CDC45: variants seen among roughly 807,000 people sequenced by gnomAD.
CDC45 encodes cell division control protein 45 homolog.
CDC45 carries 54 observed loss-of-function variants against 77.8 expected under a neutral mutation model. That is an observed-to-expected ratio of 0.69 (90% CI 0.56 to 0.87). The LOEUF is 0.87. Among genes scored for constraint, CDC45 ranks in the 40% least tolerant of loss-of-function variants. The pLI, the probability that CDC45 is intolerant of heterozygous loss-of-function variation, is 0.00. For synonymous variants in CDC45, 260 were observed against 272.1 expected (o/e 0.96, Z 0.44); for missense variants, 649 against 721.6 (o/e 0.90, Z 1.15).
chr22:19,482,831 C>G lies in CDC45; in HGVS notation c.342+4C>G, dbSNP rs1446245084. ...CAATGTATACAACGATACCCAGGTACTTTTTGTGCTATGCCCTCAAACTGT... is the reference window on the plus strand; with the variant it reads ...CAATGTATACAACGATACCCAGGTAGTTTTTGTGCTATGCCCTCAAACTGT... On this transcript the variant is annotated splice_donor_region_variant and intron_variant, in intron 4 of 18. Transcript: ENST00000263201. 8 of 1,613,764 alleles carry G rather than the reference C, an allele frequency of 5.0e-6. No individual in the cohort carries two copies. The highest frequency in any genetic ancestry group is 6.8e-6 in the Non-Finnish European group (8 of 1,179,694).
intron 18 of CDC45, among the ~76,000 whole-genome samples, chr22:19,519,689 C>CCCAT (rs1468228175): frequency 2.6e-5 from 4 of 152,236 alleles, no homozygotes; most frequent in African/African-American, 9.6e-5. Context: ...TCCCCACTCT[C>CCCAT]CCATCCGTCC....
chr22:19,499,067 T>A, intron 8 of CDC45, 34 bp from the exon 9 acceptor site: 1 of 1,611,684 alleles, frequency 6.2e-7, no homozygotes, highest in South Asian at 1.1e-5. Context: ...CCAGGTGGGC[T>A]ATAGGCCGGC....
chr22:19,497,547 C>T, intron 8 of CDC45, 100 bp downstream of exon 8: 2 of 1,004,154 alleles, frequency 2.0e-6, no homozygotes, highest in Non-Finnish European at 3.1e-6. Flanking sequence ...TTCCCTTGTC[C>T]CCACCAGGAG....
upstream of CDC45, chr22:19,479,532 C>A (rs902203795): frequency 1.8e-6 from 1 of 567,516 alleles, no homozygotes; most frequent in African/African-American, 1.9e-5. Flanking sequence ...CTTCAAACCA[C>A]ACCAAAAACC....
chr22:19,508,682 G>T lies in CDC45; in HGVS notation c.1208G>T (p.Ser403Ile). 1 of 1,614,002 alleles carries T rather than the reference G, an allele frequency of 6.2e-7. No homozygotes were observed. Among genetic ancestry groups the T allele is most frequent in the South Asian group, 1.1e-5 (1 of 91,064 alleles). Residue 403 changes from serine (S) to isoleucine (I), a missense_variant, in exon 13 of 19, where the codon AGC becomes ATC. By Grantham distance (142) the Ser-to-Ile change is moderately radical. Coordinates refer to ENST00000263201, the MANE Select transcript of CDC45 (RefSeq NM_003504.5). The part of the protein sequence containing the change: ...GTDHFIQALD[S>I]LSRSNLDKLY... ...GATCACTTCATCCAGGCTCTGGACA[G>T]CCTCTCCAGGTAGCAGGAGGGCTGT...
Position 19,483,976 on chromosome 22 carries a change from C to A in CDC45, c.457C>A (p.Pro153Thr). The change falls in exon 5 of 19, where the codon CCT (proline) becomes ACT (threonine). Residue 153 changes from proline to threonine, a missense_variant. Transcript: ENST00000263201. Reference sequence around the variant, plus strand: ...AGGAAATGACAGTGATGGGTCAGAGCCTTCTGAGAAGCGCACACGGTTAGA... The same window carrying A: ...AGGAAATGACAGTGATGGGTCAGAGACTTCTGAGAAGCGCACACGGTTAGA... ...HSGNDSDGSE[P>T]SEKRTRLEEE... The A allele has an allele frequency of 6.2e-7, 1 of 1,610,520 alleles. No individual in the cohort carries two copies. Among genetic ancestry groups the A allele is most frequent in the Non-Finnish European group, 8.5e-7 (1 of 1,179,282 alleles).
At chr22:19,492,941 ATTGGTTCTCCC>A in intron 5 of CDC45, among the ~76,000 whole-genome samples, 1 of 152,124 alleles carries the variant, frequency 6.6e-6, no homozygotes, top group East Asian at 1.9e-4. Context: ...TTCTCCCACC[ATTGGTTCTCCC>A]ACCCAGAGGT....
chr22:19,515,714 C>T (rs908041769), intron 15 of CDC45, among the ~76,000 whole-genome samples: 1 of 152,218 alleles, frequency 6.6e-6, no homozygotes, highest in Admixed American at 6.5e-5. Context: ...AGGGACAGAG[C>T]ATGGGCCTTG....
intron 17 of CDC45, among the ~76,000 whole-genome samples, chr22:19,518,490 C>A (rs1211779508): frequency 6.6e-6 from 1 of 152,146 alleles, no homozygotes; most frequent in Admixed American, 6.5e-5. Flanking sequence ...AGTGACCTGC[C>A]CCACCCAAGG....
chr22:19,493,252 G>GTTTT (rs2090183966), intron 5 of CDC45, among the ~76,000 whole-genome samples: 1 of 150,600 alleles, frequency 6.6e-6, no homozygotes, highest in African/African-American at 2.5e-5. Flanking sequence ...GTTTTGTTTT[G>GTTTT]TTTTGTTTTG....
At chr22:19,502,448 C>T (rs1340026098) in intron 9 of CDC45, among the ~76,000 whole-genome samples, 1 of 152,192 alleles carries the variant, frequency 6.6e-6, no homozygotes, top group Non-Finnish European at 1.5e-5. Context: ...AATTTGGTAG[C>T]ATGTAGGCAC....
At chr22:19,516,450 C>G (rs1160022829) in intron 15 of CDC45, 77 bp from the exon 16 acceptor site, 1 of 1,195,498 alleles carries the variant, frequency 8.4e-7, no homozygotes, top group Non-Finnish European at 1.2e-6. Context: ...AGTGACTGGG[C>G]GCTGTTGGGC....
chr22:19,509,383 T>C (rs1933393085), intron 13 of CDC45, among the ~76,000 whole-genome samples: 1 of 152,232 alleles, frequency 6.6e-6, no homozygotes, highest in African/African-American at 2.4e-5. Context: ...GTCAGTTCAG[T>C]GGTGAAGATG....
intron 17 of CDC45, 120 bp from the exon 18 acceptor site, chr22:19,518,724 G>T (rs1933939509): frequency 1.3e-6 from 1 of 765,394 alleles, no homozygotes; most frequent in Non-Finnish European, 2.4e-6. Flanking sequence ...AATACCACAG[G>T]CCGGGAGGAG....
intron 3 of CDC45, among the ~76,000 whole-genome samples, chr22:19,481,622 G>A (rs2089984645): frequency 6.6e-6 from 1 of 151,802 alleles, no homozygotes; most frequent in Admixed American, 6.6e-5. Flanking sequence ...TTTGTGATCT[G>A]CCCACCTCCG....
At chr22:19,507,623 G>T in intron 11 of CDC45, 106 bp downstream of exon 11, 1 of 1,460,558 alleles carries the variant, frequency 6.8e-7, no homozygotes, top group South Asian at 1.2e-5. Flanking sequence ...AGCCTGTTCT[G>T]CCATAAGCTC....
intron 5 of CDC45, among the ~76,000 whole-genome samples, chr22:19,492,010 T>A (rs1297889198): frequency 3.9e-5 from 6 of 152,126 alleles, no homozygotes; most frequent in African/African-American, 1.4e-4. Context: ...TTTTCCATGT[T>A]GGCCAGGCTG....
Position 19,505,350 on chromosome 22 carries a change from T to C in CDC45, c.705-12T>C. On this transcript the variant is annotated splice_polypyrimidine_tract_variant and intron_variant, in intron 9 of 18. Transcript: ENST00000263201. ...GGGAACCAGCCGAGGCTTGTGCTAC[T>C]TTTTTTTCCAGAATGAAATACGTGA... is the stretch of plus-strand genomic sequence containing the variant. 1 of 1,612,702 alleles carries C rather than the reference T, an allele frequency of 6.2e-7. No homozygotes were observed. The highest frequency in any genetic ancestry group is 8.5e-7 in the Non-Finnish European group (1 of 1,179,044).
intron 10 of CDC45, among the ~76,000 whole-genome samples, chr22:19,506,375 G>A (rs985258492): frequency 7.2e-5 from 11 of 152,278 alleles, no homozygotes; most frequent in African/African-American, 1.4e-4. Flanking sequence ...GACCATGGGA[G>A]TGTGTGACTG....
Sources: gnomAD v4.1 joint callset for allele counts (sites outside exome capture counted in the v4.1 genomes callset) on GRCh38, gnomAD v4.1.1 for gene constraint, MANE v1.5 for transcripts, NCBI Gene and HGNC (gene_info 2026-07-23, HGNC 2026-07-21) for gene names.